Variants in UNC5D observed in about 807,000 individuals in gnomAD.
The protein encoded by UNC5D is netrin receptor UNC5D.
Under a neutral mutation model 105.4 loss-of-function variants are expected in UNC5D, and 39 were observed. The observed-to-expected ratio is 0.37, with a 90% CI of 0.29 to 0.48. The LOEUF (loss-of-function observed/expected upper bound fraction) is 0.48. Ranked by LOEUF, UNC5D falls within the 20% of genes least tolerant of loss-of-function variation. The pLI is 0.98. For missense variants in UNC5D, 991 were observed against 1,202.4 expected, an observed-to-expected ratio of 0.82 and a Z score of 2.60; for synonymous variants, 452 against 450.4, an observed-to-expected ratio of 1.00 and a Z score of -0.04.
chr8:35,534,945 C>T (rs1200009980), intron 1 of UNC5D, among the ~76,000 whole-genome samples: 10 of 151,916 alleles, frequency 6.6e-5, no homozygotes, highest in Non-Finnish European at 1.2e-4. Context: ...TAGATGTTAC[C>T]TCTGTTAGGG....
chr8:35,652,593 G>A (rs1199909780), intron 4 of UNC5D, among the ~76,000 whole-genome samples: 2 of 151,564 alleles, frequency 1.3e-5, no homozygotes, highest in African/African-American at 4.8e-5. Flanking sequence ...TTTCCCCAGA[G>A]AGAAATTATT....
chr8:35,673,343 C>T lies in UNC5D; in HGVS notation c.571-10204C>T, dbSNP rs142403072. Among the ~76,000 whole-genome samples, 195 of 152,276 alleles carry T rather than the reference C, an allele frequency of 1.3e-3. 1 individual carries two copies. The highest frequency in any genetic ancestry group is 4.5e-3 in the African/African-American group (188 of 41,542). On this transcript the variant is annotated intron_variant, in intron 4 of 16. Coordinates refer to ENST00000404895, the MANE Select transcript of UNC5D (RefSeq NM_080872.4). ...AGGCAAGAATATGCCCCATTGTGAG[C>T]AGAGAAGCATCACTGTGCAATGGTT...
chr8:35,639,533 A>C (rs1822581231), intron 4 of UNC5D, among the ~76,000 whole-genome samples: 1 of 152,174 alleles, frequency 6.6e-6, no homozygotes, highest in Non-Finnish European at 1.5e-5. Flanking sequence ...TATAGAAAAT[A>C]TGTTTCTGCG....
chr8:35,767,112 G>A (rs780118391), intron 15 of UNC5D, 46 bp downstream of exon 15: 24 of 1,556,364 alleles, frequency 1.5e-5, no homozygotes, highest in Admixed American at 1.4e-4. Context: ...TCTGAAGGAC[G>A]ATAAGAATAA....
At chr8:35,342,312 A>G (rs1347544035) in intron 1 of UNC5D, among the ~76,000 whole-genome samples, 1 of 152,126 alleles carries the variant, frequency 6.6e-6, no homozygotes, top group East Asian at 1.9e-4. Flanking sequence ...CCTATTCGTC[A>G]TATGGGATTT....
chr8:35,639,106 A>ATG (rs780246613), intron 4 of UNC5D, among the ~76,000 whole-genome samples: 10 of 152,186 alleles, frequency 6.6e-5, no homozygotes, highest in Non-Finnish European at 1.3e-4. Flanking sequence ...TATTGTTCGG[A>ATG]TATGATTGGA....
At chr8:35,777,063 G>C (rs1802282555) in intron 16 of UNC5D, among the ~76,000 whole-genome samples, 1 of 152,214 alleles carries the variant, frequency 6.6e-6, no homozygotes, top group South Asian at 2.1e-4. Flanking sequence ...AGACCAGCCT[G>C]ACCAACATGG....
intron 13 of UNC5D, among the ~76,000 whole-genome samples, chr8:35,757,780 T>C (rs2131673309): frequency 1.3e-5 from 2 of 152,304 alleles, no homozygotes; most frequent in Admixed American, 1.3e-4. Flanking sequence ...ATTAATTTCC[T>C]ATCCTCCCCA....
chr8:35,414,247 T>A (rs1218770816), intron 1 of UNC5D, among the ~76,000 whole-genome samples: 1 of 152,144 alleles, frequency 6.6e-6, no homozygotes, highest in African/African-American at 2.4e-5. Context: ...GCAGGAACAA[T>A]GTATTTATTT....
chr8:35,626,264 T>C (rs1270552189), intron 4 of UNC5D, among the ~76,000 whole-genome samples: 3 of 151,978 alleles, frequency 2.0e-5, no homozygotes, highest in Non-Finnish European at 2.9e-5. Context: ...AAACTCTATA[T>C]ATTATTCTTA....
At chr8:35,615,232 A>G (rs965216519) in intron 4 of UNC5D, among the ~76,000 whole-genome samples, 4 of 152,160 alleles carry the variant, frequency 2.6e-5, no homozygotes, top group African/African-American at 9.7e-5. Context: ...AGATAACATT[A>G]CAAAGCTTTC....
intron 13 of UNC5D, among the ~76,000 whole-genome samples, chr8:35,753,759 A>G: frequency 6.6e-6 from 1 of 152,198 alleles, no homozygotes; most frequent in Non-Finnish European, 1.5e-5. Flanking sequence ...AAGGCCATGT[A>G]TCCCCCTTGG....
At chr8:35,331,827 C>T (rs1417914720) in intron 1 of UNC5D, among the ~76,000 whole-genome samples, 2 of 152,158 alleles carry the variant, frequency 1.3e-5, no homozygotes, top group Non-Finnish European at 2.9e-5. Flanking sequence ...TTCTGCTTCT[C>T]TCTATGCTGC....
chr8:35,651,174 C>A (rs1823380906), intron 4 of UNC5D, among the ~76,000 whole-genome samples: 1 of 152,068 alleles, frequency 6.6e-6, no homozygotes, highest in Non-Finnish European at 1.5e-5. Context: ...ATTAGCTAGG[C>A]CATTCTGGGT....
At chr8:35,247,233 T>TC (rs1803165190) in intron 1 of UNC5D, among the ~76,000 whole-genome samples, 3 of 131,454 alleles carry the variant, frequency 2.3e-5, no homozygotes, top group African/African-American at 8.5e-5. Context: ...TTCCTTTTAT[T>TC]TAAATGTTTA....
intron 1 of UNC5D, among the ~76,000 whole-genome samples, chr8:35,367,608 C>T (rs1237385543): frequency 6.6e-6 from 1 of 151,214 alleles, no homozygotes; most frequent in Non-Finnish European, 1.5e-5. Context: ...AAATACTTCA[C>T]TTCTGTTTCT....
chr8:35,614,573 A>C (rs573154162), intron 4 of UNC5D, among the ~76,000 whole-genome samples: 1 of 152,138 alleles, frequency 6.6e-6, no homozygotes, highest in Non-Finnish European at 1.5e-5. Context: ...CTAAAAAAAA[A>C]AGTGAGTTTT....
At chr8:35,546,275 T>C (rs538691886) in intron 1 of UNC5D, among the ~76,000 whole-genome samples, 1 of 152,314 alleles carries the variant, frequency 6.6e-6, no homozygotes, top group East Asian at 1.9e-4. Flanking sequence ...TCTCCTGCTT[T>C]CTTTCAGATG....
intron 8 of UNC5D, among the ~76,000 whole-genome samples, chr8:35,719,616 G>A (rs1031825996): frequency 6.6e-6 from 1 of 152,178 alleles, no homozygotes; most frequent in African/African-American, 2.4e-5. Context: ...GACAAGAAAT[G>A]ACTGAGAATA....
Sources: gnomAD v4.1 joint callset for allele counts (sites outside exome capture counted in the v4.1 genomes callset) on GRCh38, gnomAD v4.1.1 for gene constraint, MANE v1.5 for transcripts, NCBI Gene and HGNC (gene_info 2026-07-23, HGNC 2026-07-21) for gene names.